Variants in CNOT9 observed in about 807,000 individuals in gnomAD.
CNOT9 encodes the protein CCR4-NOT transcription complex subunit 9, also known as RCD1 required for cell differentiation1 homolog.
Under a neutral mutation model 37.4 loss-of-function variants are expected in CNOT9, and 8 were observed. The ratio of observed to expected loss-of-function variants is 0.21; its 90% confidence interval spans 0.13 to 0.39. The LOEUF is 0.39. Among genes scored for constraint, CNOT9 ranks in the 10% least tolerant of loss-of-function variants. CNOT9 has a pLI of 1.00. For missense variants in CNOT9, 154 were observed against 365.3 expected, an observed-to-expected ratio of 0.42 and a Z score of 4.71; for synonymous variants, 120 against 137.6, an observed-to-expected ratio of 0.87 and a Z score of 0.90.
At chr2:218,589,602 G>A (rs1233738918) in intron 5 of CNOT9, among the ~76,000 whole-genome samples, 1 of 152,150 alleles carries the variant, frequency 6.6e-6, no homozygotes, top group Non-Finnish European at 1.5e-5. Context: ...CGTAGTACTA[G>A]GAGTACAAGC....
At position 218,581,197 on chromosome 2, in the gene CNOT9, C is replaced by T. The variant is rs1238853061; in HGVS notation, c.204+457C>T. 1.7e-5 allele frequency: 5 copies of T among 290,058 alleles called. No individual in the cohort carries two copies. In the East Asian group the frequency reaches 3.3e-4, roughly 19 times the overall value. 18.0% of individuals were successfully genotyped at this position (290,058 alleles called of 1,614,324 possible). Reference sequence around the variant, plus strand: ...TTTTTTTTTTTTTTTGAGACGGAATCTCGCTCTGTCGCCCAGACTAGAGTG... The same window carrying T: ...TTTTTTTTTTTTTTTGAGACGGAATTTCGCTCTGTCGCCCAGACTAGAGTG... On this transcript the variant is annotated intron_variant, in intron 2 of 7. Transcript: ENST00000273064.
At chr2:218,584,766 G>C (rs766828754) in intron 4 of CNOT9, 45 bp downstream of exon 4, 1 of 1,331,378 alleles carries the variant, frequency 7.5e-7, no homozygotes, top group Non-Finnish European at 1.1e-6. Context: ...ACTCACAGTA[G>C]TAGTCTAAGT....
At chr2:218,570,790 G>T (rs1381120852) in intron 1 of CNOT9, among the ~76,000 whole-genome samples, 1 of 152,118 alleles carries the variant, frequency 6.6e-6, no homozygotes, top group Non-Finnish European at 1.5e-5. Context: ...AACCATTAAA[G>T]CTGTGGTACA....
Position 218,577,237 on chromosome 2 carries a change from G to A in CNOT9, c.25-3324G>A, listed in dbSNP as rs569015879. On this transcript the variant is annotated intron_variant, in intron 1 of 7. Coordinates refer to ENST00000273064, the MANE Select transcript of CNOT9 (RefSeq NM_005444.3). ...CTCTCATTTTTATTTTTAAAAAATT[G>A]TATTCATCCCATGACAGGTGGGTAT... is the stretch of plus-strand genomic sequence containing the variant. Among the ~76,000 whole-genome samples, 7 of 152,232 alleles carry A rather than the reference G, an allele frequency of 4.6e-5. No homozygotes were observed. The South Asian group carries it at 6.2e-4, about 14-fold the overall frequency.
rs1267194116 is a variant in CNOT9, at chr2:218,579,311, T to G, written c.25-1250T>G. ...TATATGTATTTTTTATTTTTATATG[T>G]GTGTATATTAATGGAAACATTTTAT... On this transcript the variant is annotated intron_variant, in intron 1 of 7. Transcript: ENST00000273064. Among the ~76,000 whole-genome samples, 4 of 152,208 alleles carry G rather than the reference T, an allele frequency of 2.6e-5. No homozygotes were observed. In the East Asian group the frequency reaches 7.7e-4, roughly 29 times the overall value.
chr2:218,568,928 T>C lies in CNOT9; in HGVS notation c.-27T>C, dbSNP rs1335631452. ...GACGCGGGTCGGACGCGTCCGGCTG[T>C]GGAAGAGAGCGGCGGCCGCTCACAA... On this transcript the variant is annotated 5_prime_UTR_variant, in exon 1 of 8. Coordinates refer to ENST00000273064, the MANE Select transcript of CNOT9 (RefSeq NM_005444.3). 1 of 1,606,998 alleles carries C rather than the reference T, an allele frequency of 6.2e-7. No homozygotes were observed. Among genetic ancestry groups the C allele is most frequent in the East Asian group, 2.3e-5 (1 of 44,392 alleles).
intron 5 of CNOT9, chr2:218,589,293 T>A (rs1008574537): frequency 6.6e-6 from 1 of 152,176 alleles, no homozygotes; most frequent in African/African-American, 2.4e-5. Flanking sequence ...TGTTCCAATT[T>A]TAGTACATGT....
At chr2:218,584,560 G>A (rs776519211) in intron 3 of CNOT9, 52 bp from the exon 4 acceptor site, 1 of 1,321,186 alleles carries the variant, frequency 7.6e-7, no homozygotes, top group Non-Finnish European at 1.1e-6. Flanking sequence ...GAAAGTTCAG[G>A]ATCCTTAGAA....
intron 1 of CNOT9, among the ~76,000 whole-genome samples, chr2:218,571,117 A>G (rs931427936): frequency 6.6e-6 from 1 of 152,246 alleles, no homozygotes; most frequent in South Asian, 2.1e-4. Flanking sequence ...AATGCATGCA[A>G]CCGTGCCCAG....
chr2:218,571,428 TAAGAG>T (rs779015319), intron 1 of CNOT9, among the ~76,000 whole-genome samples: 1 of 152,080 alleles, frequency 6.6e-6, no homozygotes, highest in Non-Finnish European at 1.5e-5. Flanking sequence ...CTTTGTCTAT[TAAGAG>T]AGAGAGAGAA....
At position 218,587,596 on chromosome 2, in the gene CNOT9, G is replaced by A. The variant is rs1191651632; in HGVS notation, c.441G>A (p.Val147=). The A allele has an allele frequency of 6.3e-7, 1 of 1,597,020 alleles. No individual in the cohort carries two copies. Among genetic ancestry groups the A allele is most frequent in the East Asian group, 2.2e-5 (1 of 44,468 alleles). ...CCTTATTTTCTTTAGGGGCCCTGGT[G>A]AAAACAGATGAACAAGAAGTAATCA... ...LTSLGVIGAL[V]KTDEQEVINF... Residue 147 remains valine, a synonymous_variant, in exon 5 of 8, where the codon GTG becomes GTA. Coordinates refer to ENST00000273064, the MANE Select transcript of CNOT9 (RefSeq NM_005444.3).
intron 4 of CNOT9, among the ~76,000 whole-genome samples, chr2:218,586,712 A>G (rs1694608654): frequency 6.6e-6 from 1 of 151,638 alleles, no homozygotes; most frequent in South Asian, 2.1e-4. Context: ...TGGTCTTGGA[A>G]CTCCTGACCT....
rs547811926 is a variant in CNOT9 at position 218,579,342 on chromosome 2, C to T, written c.25-1219C>T. On this transcript the variant is annotated intron_variant, in intron 1 of 7. Transcript: ENST00000273064. ...TATTAATGGAAACATTTTATATGCT[C>T]TTCTGTAACCCTTTTATTGTTTTTA... is the stretch of plus-strand genomic sequence containing the variant. 2.0e-5 allele frequency among the ~76,000 whole-genome samples: 3 copies of T among 152,260 alleles called. No individual in the cohort carries two copies. In the South Asian group the frequency reaches 6.2e-4, roughly 32 times the overall value.
At chr2:218,584,135 A>G (rs1199306718) in intron 3 of CNOT9, among the ~76,000 whole-genome samples, 1 of 152,200 alleles carries the variant, frequency 6.6e-6, no homozygotes, top group Non-Finnish European at 1.5e-5. Context: ...AAAATCCACA[A>G]TTGGATATTT....
At chr2:218,573,058 G>A (rs1310529963) in intron 1 of CNOT9, among the ~76,000 whole-genome samples, 4 of 152,158 alleles carry the variant, frequency 2.6e-5, no homozygotes, top group South Asian at 2.1e-4. Context: ...GGTGGCTCAT[G>A]CCTGTAATCC....
At chr2:218,581,782 A>G (rs1287576554) in intron 2 of CNOT9, among the ~76,000 whole-genome samples, 2 of 152,208 alleles carry the variant, frequency 1.3e-5, no homozygotes, top group Non-Finnish European at 2.9e-5. Context: ...TTTACAAATA[A>G]TGTAAATGGA....
chr2:218,584,902 G>A (rs1694537006), intron 4 of CNOT9, among the ~76,000 whole-genome samples, 181 bp downstream of exon 4: 1 of 152,164 alleles, frequency 6.6e-6, no homozygotes, highest in Non-Finnish European at 1.5e-5. Flanking sequence ...ACTCTTCTAA[G>A]TGTTGTTAAT....
intron 4 of CNOT9, among the ~76,000 whole-genome samples, chr2:218,586,207 T>C (rs1206617204): frequency 6.6e-6 from 1 of 152,178 alleles, no homozygotes; most frequent in African/African-American, 2.4e-5. Flanking sequence ...GCAGGCTGAC[T>C]GCTATGGACT....
Position 218,585,678 on chromosome 2 carries a change from G to A in CNOT9, c.430+957G>A, listed in dbSNP as rs560907430. On this transcript the variant is annotated intron_variant, in intron 4 of 7. Transcript: ENST00000273064. The stretch of plus-strand genomic sequence containing the variant: ...TTTTGAGACAAGGTCTTGCTCTGTT[G>A]CCCACTCTTGAGTGCAGTGGCATGA... Among the ~76,000 whole-genome samples, 60 of 142,892 alleles carry A rather than the reference G, an allele frequency of 4.2e-4. 1 individual carries two copies. Among genetic ancestry groups the A allele is most frequent in the Non-Finnish European group, 7.1e-4 (47 of 66,306 alleles). The allele number at this position is 142,892 out of a possible 152,430, so 93.7% of individuals were successfully genotyped here. A position where few individuals can be genotyped will look rare whatever the true frequency, so the allele number is the denominator to read the frequency against.
Sources: gnomAD v4.1 joint callset for allele counts (sites outside exome capture counted in the v4.1 genomes callset) on GRCh38, gnomAD v4.1.1 for gene constraint, MANE v1.5 for transcripts, NCBI Gene and HGNC (gene_info 2026-07-23, HGNC 2026-07-21) for gene names.